The following NADSYN1 variants were observed in gnomAD, a reference collection of about 807,000 sequenced individuals.
The protein encoded by NADSYN1 is glutamine-dependent NAD(+) synthetase.
NADSYN1 carries 80 observed loss-of-function variants against 99.3 expected under a neutral mutation model. The observed-to-expected ratio is 0.81, with a 90% CI of 0.67 to 0.97. The LOEUF (loss-of-function observed/expected upper bound fraction) is 0.97. NADSYN1 is among the 50% of genes least tolerant of loss of function. The pLI, the probability that NADSYN1 is intolerant of heterozygous loss-of-function variation, is 0.00. For synonymous variants in NADSYN1, 385 were observed against 372.1 expected (o/e 1.03, Z -0.40); for missense variants, 859 against 948.5 (o/e 0.91, Z 1.24).
chr11:71,473,487 G>A (rs752656853), intron 7 of NADSYN1, 82 bp from the exon 8 acceptor site: 198 of 1,526,358 alleles, frequency 1.3e-4, no homozygotes, highest in Middle Eastern at 3.9e-4. Flanking sequence ...GGGAGCTGCC[G>A]TGGGAGAGTG....
intron 16 of NADSYN1, among the ~76,000 whole-genome samples, chr11:71,489,506 G>C (rs1565606217): frequency 6.6e-6 from 1 of 152,192 alleles, no homozygotes; most frequent in African/African-American, 2.4e-5. Flanking sequence ...AGTCAGCCCC[G>C]GCGGATTTCC....
chr11:71,488,270 A>G (rs1949756654), intron 16 of NADSYN1, among the ~76,000 whole-genome samples: 1 of 152,054 alleles, frequency 6.6e-6, no homozygotes, highest in Non-Finnish European at 1.5e-5. Flanking sequence ...AGCAGATAAC[A>G]TGTGTATTGT....
At chr11:71,487,662 T>C (rs1002016408) in intron 16 of NADSYN1, among the ~76,000 whole-genome samples, 7 of 151,140 alleles carry the variant, frequency 4.6e-5, no homozygotes, top group Non-Finnish European at 1.0e-4. Context: ...AAACCCTGTC[T>C]CTACTAAAAA....
At chr11:71,462,723 C>G (rs969651876) in intron 3 of NADSYN1, among the ~76,000 whole-genome samples, 4 of 152,330 alleles carry the variant, frequency 2.6e-5, no homozygotes, top group Middle Eastern at 3.4e-3. Context: ...GGTTTTTCTT[C>G]CCCTGAAACA....
chr11:71,463,930 C>T (rs926638526), intron 4 of NADSYN1, 123 bp from the exon 5 acceptor site: 6 of 744,660 alleles, frequency 8.1e-6, no homozygotes, highest in Admixed American at 4.7e-5. Context: ...GAGATTTGCT[C>T]GGGGCCCCAT....
intron 20 of NADSYN1, chr11:71,499,400 GTT>G (rs1192724219): frequency 6.6e-6 from 1 of 152,184 alleles, no homozygotes; most frequent in Non-Finnish European, 1.5e-5. Context: ...TGCTGAGTGT[GTT>G]TAGAGTCTGG....
chr11:71,482,683 G>T, intron 13 of NADSYN1, 166 bp from the exon 14 acceptor site: 1 of 539,168 alleles, frequency 1.9e-6, no homozygotes, highest in Non-Finnish European at 3.2e-6. Context: ...GGGTGGAGCC[G>T]CACAGGCACC....
At chr11:71,462,407 C>T (rs1004827617) in intron 3 of NADSYN1, among the ~76,000 whole-genome samples, 4 of 152,204 alleles carry the variant, frequency 2.6e-5, no homozygotes, top group Non-Finnish European at 4.4e-5. Flanking sequence ...TTAAATCCAC[C>T]TATGGCCTGG....
chr11:71,480,843 T>A lies in NADSYN1; in HGVS notation c.962T>A (p.Ile321Asn), dbSNP rs774835501. 1.2e-6 allele frequency: 2 copies of A among 1,614,014 alleles called. No homozygotes were observed. Among genetic ancestry groups the A allele is most frequent in the African/African-American group, 1.3e-5 (1 of 74,914 alleles). Residue 321 changes from isoleucine to asparagine, a missense_variant, in exon 11 of 21, where the codon ATC (isoleucine) becomes AAC (asparagine). By Grantham distance (149) the Ile-to-Asn change is moderately radical. Coordinates refer to ENST00000319023, the MANE Select transcript of NADSYN1 (RefSeq NM_018161.5). ...TTGCTGGCACCCATCTCTGAGCCCA[T>A]CGAGTGGAAATACCACAGCCCTGAG... Reference protein sequence around the residue: ...EDLLAPISEPIEWKYHSPEEE... With the variant: ...EDLLAPISEPNEWKYHSPEEE...
rs1406218075 is a variant in NADSYN1, at chr11:71,478,464, C to G, written c.868C>G (p.Leu290Val). 1 of 1,603,552 alleles carries G rather than the reference C, an allele frequency of 6.2e-7. No homozygotes were observed. The highest frequency in any genetic ancestry group is 8.5e-7 in the Non-Finnish European group (1 of 1,174,956). The change falls in exon 10 of 21, where the codon CTG becomes GTG. Residue 290 changes from leucine (L) to valine (V), a missense_variant. Leu to Val is a conservative substitution (Grantham distance 32). Transcript: ENST00000319023. ...SYRAEISSRN[L>V]AASRASPYPR... is the part of the protein sequence containing the mutation. ...CAGGGCGGAGATTTCATCTCGAAAC[C>G]TGGCGGTGAGTGCTCCAGTAGACAC...
chr11:71,498,647 C>T (rs1949837071), intron 20 of NADSYN1, 119 bp downstream of exon 20: 2 of 1,126,208 alleles, frequency 1.8e-6, no homozygotes, highest in African/African-American at 1.6e-5. Flanking sequence ...TTACTGTCCT[C>T]CTTTCTGCAA....
intron 3 of NADSYN1, among the ~76,000 whole-genome samples, chr11:71,461,873 A>T (rs909293132): frequency 9.8e-5 from 15 of 152,350 alleles, no homozygotes; most frequent in African/African-American, 3.4e-4. Flanking sequence ...ACAGTAGGAC[A>T]TGAGATTTGG....
rs1949633220 is a variant in NADSYN1 at position 71,472,449 on chromosome 11, G to C, written c.408G>C (p.Arg136=). The change falls in exon 6 of 21, where the codon CGG becomes CGC. Residue 136 remains arginine (R), a splice_region_variant and synonymous_variant. Transcript: ENST00000319023. ...LRWFTPWSRS[R]HTEEYFLPRM... ...AGCTCCTCGGTGTTTTCCTCTCCAG[G>C]CACACAGAGGAGTACTTTCTGCCTC... 2 of 1,611,812 alleles carry C rather than the reference G, an allele frequency of 1.2e-6. No homozygotes were observed. Among genetic ancestry groups the C allele is most frequent in the Non-Finnish European group, 1.7e-6 (2 of 1,177,854 alleles).
At position 71,497,617 on chromosome 11, in the gene NADSYN1, GC is replaced by G; in HGVS notation, c.1893+8del. 6.2e-7 allele frequency: 1 copy of G among 1,613,950 alleles called. No individual in the cohort carries two copies. The highest frequency in any genetic ancestry group is 8.5e-7 in the Non-Finnish European group (1 of 1,179,940). ...ACATCTGCACCCCGAGACAGGTAAAGCCTGTGAGACGCATCACAGAGGGAGG... is the reference window on the plus strand; with the variant it reads ...ACATCTGCACCCCGAGACAGGTAAAGCTGTGAGACGCATCACAGAGGGAGG... On this transcript the variant is annotated splice_region_variant and intron_variant, in intron 19 of 20. Transcript: ENST00000319023.
chr11:71,473,162 G>A (rs1949639491), intron 6 of NADSYN1, 116 bp from the exon 7 acceptor site: 1 of 988,582 alleles, frequency 1.0e-6, no homozygotes, highest in Non-Finnish European at 1.6e-6. Context: ...GAATGTGCGA[G>A]AGCCCAGAGC....
intron 13 of NADSYN1, among the ~76,000 whole-genome samples, chr11:71,482,230 C>T (rs7129044): frequency 0.083 from 12,657 of 152,266 alleles, 628 homozygotes; most frequent in African/African-American, 0.14. Context: ...CCTGGGGCTT[C>T]GGGCCCATGT....
intron 6 of NADSYN1, among the ~76,000 whole-genome samples, chr11:71,473,025 G>A (rs947358011): frequency 2.6e-5 from 4 of 152,226 alleles, no homozygotes; most frequent in Non-Finnish European, 1.5e-5. Flanking sequence ...ATCGATGTCC[G>A]TGACATTCTG....
chr11:71,467,903 CA>C (rs1242292928), intron 5 of NADSYN1, among the ~76,000 whole-genome samples: 41 of 152,304 alleles, frequency 2.7e-4, no homozygotes, highest in Middle Eastern at 3.4e-3. Flanking sequence ...TAGAAATTCA[CA>C]TCTAGAAACA....
chr11:71,472,323 G>A (rs867915590), intron 5 of NADSYN1, 126 bp from the exon 6 acceptor site: 12 of 796,314 alleles, frequency 1.5e-5, no homozygotes, highest in Middle Eastern at 2.3e-4. Context: ...TGGGGGGAAC[G>A]CTTGGCAGTT....
Sources: gnomAD v4.1 joint callset for allele counts (sites outside exome capture counted in the v4.1 genomes callset) on GRCh38, gnomAD v4.1.1 for gene constraint, MANE v1.5 for transcripts, NCBI Gene and HGNC (gene_info 2026-07-23, HGNC 2026-07-21) for gene names.